CFAP20DC: variants seen among roughly 807,000 people sequenced by gnomAD.
CFAP20DC encodes the protein protein CFAP20DC.
A neutral mutation model predicts 101.7 loss-of-function variants in CFAP20DC; 84 were observed. The observed-to-expected ratio is 0.83, with a 90% CI of 0.69 to 0.99. The LOEUF (loss-of-function observed/expected upper bound fraction) is 0.99. Ranked by LOEUF, CFAP20DC falls within the 50% of genes least tolerant of loss-of-function variation. The pLI, the probability that CFAP20DC is intolerant of heterozygous loss-of-function variation, is 0.00. For synonymous variants in CFAP20DC, 359 were observed against 351.2 expected (o/e 1.02, Z -0.25); for missense variants, 1,007 against 970.3 (o/e 1.04, Z -0.50).
chr3:58,793,251 C>T (rs2072995570), intron 15 of CFAP20DC, among the ~76,000 whole-genome samples: 3 of 152,136 alleles, frequency 2.0e-5, no homozygotes, highest in African/African-American at 7.2e-5. Flanking sequence ...ATCTACTCTT[C>T]GCCTCACAAT....
At chr3:59,044,629 C>G (rs1405351562) in intron 3 of CFAP20DC, among the ~76,000 whole-genome samples, 1 of 151,616 alleles carries the variant, frequency 6.6e-6, no homozygotes, top group Admixed American at 6.6e-5. Context: ...TTTAATCATT[C>G]AGTCTTTAGT....
intron 15 of CFAP20DC, among the ~76,000 whole-genome samples, chr3:58,803,671 G>C (rs997325337): frequency 6.6e-6 from 1 of 152,070 alleles, no homozygotes; most frequent in Admixed American, 6.6e-5. Context: ...CTAAGCTGTT[G>C]AATTTATGAG....
intron 7 of CFAP20DC, among the ~76,000 whole-genome samples, chr3:58,883,220 G>A (rs142851389): frequency 1.3e-5 from 2 of 152,236 alleles, no homozygotes; most frequent in Admixed American, 6.5e-5. Context: ...TGCTCTCAGG[G>A]CCATTGCTTT....
chr3:58,851,778 A>G lies in CFAP20DC; in HGVS notation c.1594-2369T>C, dbSNP rs573969888. ...AACATGCCTCTTAAAGATTTTTAAG[A>G]TTATAAAACAAAAAGGAGTCAGAAG... On this transcript the variant is annotated intron_variant, in intron 12 of 16. Transcript: ENST00000482387. Among the ~76,000 whole-genome samples the G allele has an allele frequency of 3.3e-5, 5 of 152,188 alleles. No homozygotes were observed. The East Asian group carries it at 9.7e-4, about 29-fold the overall frequency.
intron 4 of CFAP20DC, among the ~76,000 whole-genome samples, chr3:58,975,264 C>T (rs1179839416): frequency 1.3e-5 from 2 of 151,922 alleles, no homozygotes; most frequent in Admixed American, 6.5e-5. Flanking sequence ...AAGTCCTTTG[C>T]CAGTTTTTTT....
intron 15 of CFAP20DC, among the ~76,000 whole-genome samples, chr3:58,758,784 G>A (rs553559475): frequency 1.3e-5 from 2 of 152,126 alleles, no homozygotes; most frequent in South Asian, 4.2e-4. Flanking sequence ...GAGAACATGC[G>A]GTGTTTGGTT....
chr3:58,910,413 C>T (rs1344325880), intron 6 of CFAP20DC, among the ~76,000 whole-genome samples: 2 of 152,060 alleles, frequency 1.3e-5, no homozygotes, highest in Non-Finnish European at 2.9e-5. Context: ...ATAATTTTTC[C>T]TTAGACTTTT....
intron 4 of CFAP20DC, among the ~76,000 whole-genome samples, chr3:58,963,850 C>G (rs1009856092): frequency 4.6e-5 from 7 of 152,168 alleles, no homozygotes; most frequent in African/African-American, 1.7e-4. Context: ...CATGACAGGA[C>G]AGGAGGTCAG....
intron 5 of CFAP20DC, among the ~76,000 whole-genome samples, chr3:58,925,321 A>G (rs1421003890): frequency 1.3e-5 from 2 of 152,212 alleles, no homozygotes; most frequent in Non-Finnish European, 2.9e-5. Context: ...CATGGCTAGG[A>G]AAGTCTGATA....
chr3:58,954,221 G>A (rs2090422960), intron 4 of CFAP20DC, among the ~76,000 whole-genome samples: 1 of 152,130 alleles, frequency 6.6e-6, no homozygotes, highest in Non-Finnish European at 1.5e-5. Context: ...GAGAATTTGA[G>A]TAAATGGTAG....
chr3:58,852,822 T>C (rs867920339), intron 12 of CFAP20DC, among the ~76,000 whole-genome samples: 41 of 150,556 alleles, frequency 2.7e-4, no homozygotes, highest in Middle Eastern at 6.8e-3. Flanking sequence ...ATCTCTGGGA[T>C]GCATTCAAAG....
At chr3:58,957,788 C>T (rs763244346) in intron 4 of CFAP20DC, among the ~76,000 whole-genome samples, 8 of 152,056 alleles carry the variant, frequency 5.3e-5, no homozygotes, top group Non-Finnish European at 1.0e-4. Context: ...TTTGTGGAAT[C>T]TGAAAATCAA....
chr3:58,903,564 C>T (rs1177241860), intron 6 of CFAP20DC, among the ~76,000 whole-genome samples: 1 of 152,132 alleles, frequency 6.6e-6, no homozygotes, highest in Non-Finnish European at 1.5e-5. Flanking sequence ...CCTCAGGAAA[C>T]TTACAATCAT....
intron 4 of CFAP20DC, among the ~76,000 whole-genome samples, chr3:58,999,997 A>G (rs534645048): frequency 1.3e-5 from 2 of 152,246 alleles, no homozygotes; most frequent in African/African-American, 4.8e-5. Context: ...AACCATATGG[A>G]ATAAAAAAAC....
chr3:58,761,393 AT>A (rs2069576332), intron 15 of CFAP20DC, among the ~76,000 whole-genome samples: 2 of 152,196 alleles, frequency 1.3e-5, no homozygotes, highest in Admixed American at 1.3e-4. Flanking sequence ...CCCCTTTATC[AT>A]TTTTTATTGC....
At chr3:58,802,002 G>T (rs2073747368) in intron 15 of CFAP20DC, among the ~76,000 whole-genome samples, 1 of 152,080 alleles carries the variant, frequency 6.6e-6, no homozygotes, top group Admixed American at 6.5e-5. Flanking sequence ...CAAAGCCTTT[G>T]ACTACATTCC....
intron 4 of CFAP20DC, among the ~76,000 whole-genome samples, chr3:58,945,004 T>C (rs567447165): frequency 6.6e-6 from 1 of 152,360 alleles, no homozygotes; most frequent in Non-Finnish European, 1.5e-5. Context: ...ATATCATTAT[T>C]AAATATCAAT....
At chr3:58,780,806 G>A (rs1024477894) in intron 15 of CFAP20DC, among the ~76,000 whole-genome samples, 1 of 151,862 alleles carries the variant, frequency 6.6e-6, no homozygotes, top group Non-Finnish European at 1.5e-5. Context: ...TAAATCTAAA[G>A]GGAGAGATAG....
intron 3 of CFAP20DC, among the ~76,000 whole-genome samples, chr3:58,734,071 T>C (rs1433124298): frequency 6.6e-6 from 1 of 152,180 alleles, no homozygotes; most frequent in African/African-American, 2.4e-5. Context: ...CTCATGATAG[T>C]GAGTGAATTC....
Sources: gnomAD v4.1 joint callset for allele counts (sites outside exome capture counted in the v4.1 genomes callset) on GRCh38, gnomAD v4.1.1 for gene constraint, MANE v1.5 for transcripts, NCBI Gene and HGNC (gene_info 2026-07-23, HGNC 2026-07-21) for gene names.